Variants in TOX3 observed in about 807,000 individuals in gnomAD.
The protein encoded by TOX3 is TOX high mobility group box family member 3, also known as CAG trinucleotide repeat-containing gene F9 protein.
A neutral mutation model predicts 64.3 loss-of-function variants in TOX3; 22 were observed. The ratio of observed to expected loss-of-function variants is 0.34; its 90% confidence interval spans 0.24 to 0.49. TOX3 has a LOEUF of 0.49. TOX3 is among the 20% of genes least tolerant of loss of function. The probability of loss-of-function intolerance (pLI) is 0.99; values close to 1 mark genes in which losing one functional copy is unlikely to be tolerated. For synonymous variants in TOX3, 291 were observed against 273.6 expected, an observed-to-expected ratio of 1.06 and a Z score of -0.63; for missense variants, 661 against 714.4, an observed-to-expected ratio of 0.93 and a Z score of 0.85.
At chr16:52,494,505 G>A (rs377731211) in intron 1 of TOX3, among the ~76,000 whole-genome samples, 6 of 152,152 alleles carry the variant, frequency 3.9e-5, no homozygotes, top group East Asian at 1.9e-4. Context: ...CAGCTGTTAC[G>A]ATATTCTAAC....
At chr16:52,529,777 T>A (rs116065137) in intron 1 of TOX3, among the ~76,000 whole-genome samples, 2 of 152,220 alleles carry the variant, frequency 1.3e-5, no homozygotes, top group African/African-American at 4.8e-5. Flanking sequence ...GAAGATTCTC[T>A]GTAAATCATC....
At chr16:52,511,517 C>T (rs1266588420) in intron 1 of TOX3, among the ~76,000 whole-genome samples, 2 of 151,980 alleles carry the variant, frequency 1.3e-5, no homozygotes, top group Non-Finnish European at 2.9e-5. Context: ...AAAGGTAAGG[C>T]CTACTGAAAA....
chr16:52,491,717 G>A (rs1369666618), intron 1 of TOX3, among the ~76,000 whole-genome samples: 5 of 152,068 alleles, frequency 3.3e-5, no homozygotes, highest in African/African-American at 1.2e-4. Flanking sequence ...GTGGAACACT[G>A]TTGATGCTAA....
chr16:52,471,020 T>C (rs1011755036), intron 1 of TOX3, among the ~76,000 whole-genome samples: 1 of 152,192 alleles, frequency 6.6e-6, no homozygotes, highest in African/African-American at 2.4e-5. Flanking sequence ...TTCTCCTGCA[T>C]AGGTACCTGG....
At chr16:52,477,458 C>G (rs1050573162) in intron 1 of TOX3, among the ~76,000 whole-genome samples, 1 of 152,142 alleles carries the variant, frequency 6.6e-6, no homozygotes, top group African/African-American at 2.4e-5. Context: ...GCCAAGGAGA[C>G]CAGTGAAGAA....
At chr16:52,506,204 A>C (rs1046576753) in intron 1 of TOX3, among the ~76,000 whole-genome samples, 42 of 152,186 alleles carry the variant, frequency 2.8e-4, no homozygotes, top group African/African-American at 9.4e-4. Context: ...TGCACAAAGC[A>C]CCTCTCAGGT....
chr16:52,512,934 C>A (rs980054011), intron 1 of TOX3, among the ~76,000 whole-genome samples: 1 of 152,096 alleles, frequency 6.6e-6, no homozygotes, highest in African/African-American at 2.4e-5. Context: ...GTAACGTAAG[C>A]GAAAACAATA....
intron 1 of TOX3, among the ~76,000 whole-genome samples, chr16:52,505,926 T>C (rs1053663344): frequency 6.6e-6 from 1 of 152,052 alleles, no homozygotes; most frequent in African/African-American, 2.4e-5. Context: ...TAGTGAGCCA[T>C]GATCACACCA....
intron 1 of TOX3, among the ~76,000 whole-genome samples, chr16:52,492,401 A>G (rs905451002): frequency 3.3e-4 from 48 of 146,010 alleles, no homozygotes; most frequent in Non-Finnish European, 6.2e-4. Flanking sequence ...ACAATTATCA[A>G]ATATTATCAT....
intron 1 of TOX3, among the ~76,000 whole-genome samples, chr16:52,491,177 C>T (rs1309499940): frequency 1.3e-5 from 2 of 152,078 alleles, no homozygotes; most frequent in East Asian, 3.9e-4. Context: ...TGCTCCTCTC[C>T]TCCATTGCCA....
At chr16:52,498,298 G>T (rs1040113798) in intron 1 of TOX3, among the ~76,000 whole-genome samples, 1 of 152,038 alleles carries the variant, frequency 6.6e-6, no homozygotes, top group Non-Finnish European at 1.5e-5. Flanking sequence ...TCTCTCCACC[G>T]CTTTTCTATT....
chr16:52,483,828 G>A (rs535332791), intron 1 of TOX3, among the ~76,000 whole-genome samples: 5 of 152,062 alleles, frequency 3.3e-5, no homozygotes, highest in South Asian at 4.2e-4. Flanking sequence ...TCAGCCTCCC[G>A]AAGTGCTGGG....
At chr16:52,535,609 A>G (rs1962929604) in intron 1 of TOX3, among the ~76,000 whole-genome samples, 1 of 152,214 alleles carries the variant, frequency 6.6e-6, no homozygotes, top group African/African-American at 2.4e-5. Context: ...ACTTCATTTA[A>G]GACGTTGCTG....
chr16:52,524,202 A>G (rs1252688780), intron 1 of TOX3, among the ~76,000 whole-genome samples: 2 of 152,232 alleles, frequency 1.3e-5, no homozygotes, highest in African/African-American at 4.8e-5. Flanking sequence ...ATGTAGTATT[A>G]AAAACATTAT....
intron 1 of TOX3, among the ~76,000 whole-genome samples, chr16:52,503,723 A>C (rs1027751472): frequency 6.6e-6 from 1 of 152,146 alleles, no homozygotes; most frequent in Non-Finnish European, 1.5e-5. Flanking sequence ...ATAAGCAATA[A>C]ATTTTTTTTA....
chr16:52,542,108 G>T (rs1963087964), intron 1 of TOX3, among the ~76,000 whole-genome samples: 3 of 152,132 alleles, frequency 2.0e-5, no homozygotes, highest in Admixed American at 6.5e-5. Flanking sequence ...ATGGGGCATG[G>T]AAGGGAGCTC....
intron 1 of TOX3, among the ~76,000 whole-genome samples, chr16:52,477,817 C>T (rs1002795614): frequency 1.6e-4 from 24 of 152,246 alleles, no homozygotes; most frequent in African/African-American, 3.6e-4. Flanking sequence ...AGTATTATAA[C>T]GTCACCTTTT....
chr16:52,507,147 C>A (rs866497999), intron 1 of TOX3, among the ~76,000 whole-genome samples: 2 of 152,092 alleles, frequency 1.3e-5, no homozygotes, highest in East Asian at 1.9e-4. Context: ...TGAACTGGAT[C>A]GTGTCTCAGA....
chr16:52,447,797 T>G (rs1960205699), intron 4 of TOX3, among the ~76,000 whole-genome samples: 1 of 152,196 alleles, frequency 6.6e-6, no homozygotes, highest in African/African-American at 2.4e-5. Context: ...AAGTTTTCCT[T>G]CAATGAAAAA....
Sources: allele counts gnomAD v4.1 joint callset (sites outside exome capture counted in the v4.1 genomes callset), GRCh38; gene constraint gnomAD v4.1.1; transcripts MANE v1.5; gene names NCBI Gene and HGNC (gene_info 2026-07-23, HGNC 2026-07-21).